KCTD9: variants seen among roughly 807,000 people sequenced by gnomAD.
The protein encoded by KCTD9 is BTB/POZ domain-containing protein KCTD9.
A neutral mutation model predicts 53.3 loss-of-function variants in KCTD9; 17 were observed. The observed-to-expected ratio is 0.32, with a 90% CI of 0.22 to 0.48. The LOEUF is 0.48. Among genes scored for constraint, KCTD9 ranks in the 20% least tolerant of loss-of-function variants. The probability of loss-of-function intolerance (pLI) is 0.99; values close to 1 mark genes in which losing one functional copy is unlikely to be tolerated. For missense variants in KCTD9, 179 were observed against 465.5 expected (o/e 0.38, Z 5.66); for synonymous variants, 128 against 162.7 (o/e 0.79, Z 1.62).
chr8:25,436,533 T>C lies in KCTD9; in HGVS notation c.500-48A>G, dbSNP rs1802021390. 5 of 1,077,422 alleles carry C rather than the reference T, an allele frequency of 4.6e-6. No homozygotes were observed. The African/African-American group carries it at 6.4e-5, about 14-fold the overall frequency. 66.7% of individuals were successfully genotyped at this position (1,077,422 alleles called of 1,614,324 possible). A position where few individuals can be genotyped will look rare whatever the true frequency, so the allele number is the denominator to read the frequency against. ...GAAACAACCTAATTTAGTGAATGTA[T>C]TACATTCATTTTGAATTTACTAAAA... On this transcript the variant is annotated intron_variant, in intron 6 of 11. Coordinates refer to ENST00000221200, the MANE Select transcript of KCTD9 (RefSeq NM_017634.4).
chr8:25,436,015 C>A (rs1802009779), intron 8 of KCTD9, among the ~76,000 whole-genome samples: 1 of 152,150 alleles, frequency 6.6e-6, no homozygotes, highest in Non-Finnish European at 1.5e-5. Context: ...TATTCATAAA[C>A]TGTTGCATGA....
At chr8:25,440,523 G>C in intron 4 of KCTD9, 54 bp downstream of exon 4, 1 of 1,134,604 alleles carries the variant, frequency 8.8e-7, no homozygotes, top group Non-Finnish European at 1.3e-6. Context: ...AGAACAAAGG[G>C]TACACAGTGC....
rs1457479435 is a variant in KCTD9 at position 25,428,502 on chromosome 8, A to T, written c.*1355T>A. The T allele has an allele frequency of 6.6e-6, 1 of 152,530 alleles. No homozygotes were observed. The highest frequency in any genetic ancestry group is 2.4e-5 in the African/African-American group (1 of 41,436). 9.4% of individuals were successfully genotyped at this position (152,530 alleles called of 1,614,324 possible). A position where few individuals can be genotyped will look rare whatever the true frequency, so the allele number is the denominator to read the frequency against. On this transcript the variant is annotated 3_prime_UTR_variant, in exon 12 of 12. Transcript: ENST00000221200. The stretch of plus-strand genomic sequence containing the variant: ...AATGATTCCTTGCCTCATGTTGATG[A>T]GTCTGTAGAATTCAGAACCCATTTG...
intron 1 of KCTD9, among the ~76,000 whole-genome samples, chr8:25,446,947 T>C (rs1802224489): frequency 6.6e-6 from 1 of 152,202 alleles, no homozygotes. Context: ...CTGATATATG[T>C]GCAAGATACA....
chr8:25,441,465 G>T (rs1033989910), intron 3 of KCTD9, among the ~76,000 whole-genome samples: 1 of 151,976 alleles, frequency 6.6e-6, no homozygotes, highest in Non-Finnish European at 1.5e-5. Context: ...CCACAAAATA[G>T]ATCAAAATTA....
chr8:25,435,631 G>A, intron 8 of KCTD9, 119 bp from the exon 9 acceptor site: 1 of 732,948 alleles, frequency 1.4e-6, no homozygotes, highest in East Asian at 2.9e-5. Flanking sequence ...GTCACTTGGA[G>A]TTTATTACAG....
At chr8:25,435,895 C>A (rs1398630788) in intron 8 of KCTD9, among the ~76,000 whole-genome samples, 1 of 152,132 alleles carries the variant, frequency 6.6e-6, no homozygotes, top group Non-Finnish European at 1.5e-5. Context: ...GTGGTCTTTA[C>A]AATTTGAAAT....
intron 4 of KCTD9, 21 bp downstream of exon 4, chr8:25,440,556 C>A: frequency 1.4e-6 from 2 of 1,474,956 alleles, no homozygotes; most frequent in African/African-American, 2.8e-5. Flanking sequence ...CTCTTTCTAA[C>A]ACACATACAC....
At chr8:25,446,083 G>C in intron 2 of KCTD9, 46 bp downstream of exon 2, 1 of 1,600,352 alleles carries the variant, frequency 6.2e-7, no homozygotes. Flanking sequence ...ATAGCACCAA[G>C]AAGTTGAGGC....
chr8:25,433,285 A>G (rs760231828), intron 10 of KCTD9, 45 bp downstream of exon 10: 3 of 1,088,980 alleles, frequency 2.8e-6, no homozygotes, highest in African/African-American at 1.6e-5. Flanking sequence ...TTTCCTTTAC[A>G]GTCTGCTTCC....
chr8:25,445,688 G>A (rs1802202602), intron 2 of KCTD9, among the ~76,000 whole-genome samples: 1 of 151,962 alleles, frequency 6.6e-6, no homozygotes, highest in Middle Eastern at 3.2e-3. Flanking sequence ...TGGATCACTG[G>A]TGATATCACT....
chr8:25,444,129 T>A (rs1419590471), intron 3 of KCTD9, among the ~76,000 whole-genome samples, 163 bp downstream of exon 3: 1 of 152,068 alleles, frequency 6.6e-6, no homozygotes, highest in Non-Finnish European at 1.5e-5. Context: ...TAGTAAAAAA[T>A]TTACTTTAAC....
intron 11 of KCTD9, among the ~76,000 whole-genome samples, chr8:25,431,365 C>G (rs1212460616): frequency 1.3e-5 from 2 of 152,106 alleles, no homozygotes; most frequent in African/African-American, 4.8e-5. Context: ...ATGTACAGAA[C>G]AGTGTAACCA....
intron 6 of KCTD9, among the ~76,000 whole-genome samples, chr8:25,437,216 C>T (rs540588668): frequency 6.6e-6 from 1 of 152,240 alleles, no homozygotes; most frequent in South Asian, 2.1e-4. Context: ...CCATTCCGTT[C>T]GGATATATAT....
intron 1 of KCTD9, among the ~76,000 whole-genome samples, chr8:25,446,623 G>A (rs1289365890): frequency 6.6e-6 from 1 of 152,212 alleles, no homozygotes; most frequent in Non-Finnish European, 1.5e-5. Context: ...GAAGAAAATA[G>A]TAGCACCTAC....
At chr8:25,429,996 A>G in intron 11 of KCTD9, 23 bp from the exon 12 acceptor site, 1 of 1,243,388 alleles carries the variant, frequency 8.0e-7, no homozygotes, top group Non-Finnish European at 1.2e-6. Context: ...AACAATATTC[A>G]TGTAATTCAT....
At chr8:25,450,326 T>C (rs577973914) in intron 1 of KCTD9, 7 of 985,302 alleles carry the variant, frequency 7.1e-6, no homozygotes, top group South Asian at 4.7e-5. Flanking sequence ...ACTAAAGAAG[T>C]ACATTCCTGA....
At chr8:25,448,472 C>T (rs1802256950) in intron 1 of KCTD9, among the ~76,000 whole-genome samples, 1 of 152,170 alleles carries the variant, frequency 6.6e-6, no homozygotes, top group Non-Finnish European at 1.5e-5. Flanking sequence ...TGGTTACACA[C>T]ATTGTGAATG....
At chr8:25,441,203 A>T (rs1179985415) in intron 3 of KCTD9, among the ~76,000 whole-genome samples, 1 of 152,016 alleles carries the variant, frequency 6.6e-6, no homozygotes, top group Admixed American at 6.6e-5. Flanking sequence ...TGCAGATGAA[A>T]GTTAAGAGGT....
Sources: allele counts gnomAD v4.1 joint callset (sites outside exome capture counted in the v4.1 genomes callset), GRCh38; gene constraint gnomAD v4.1.1; transcripts MANE v1.5; gene names NCBI Gene and HGNC (gene_info 2026-07-23, HGNC 2026-07-21).